The following ANKRD11 variants were observed in gnomAD, a reference collection of about 807,000 sequenced individuals.
The protein encoded by ANKRD11 is ankyrin repeat domain 11, also known as ankyrin repeat domain-containing protein 11.
ANKRD11 carries 17 observed loss-of-function variants against 195.7 expected under a neutral mutation model. The observed-to-expected ratio is 0.09, with a 90% CI of 0.06 to 0.13. The LOEUF is 0.13. ANKRD11 is among the 10% of genes least tolerant of loss of function. The probability of loss-of-function intolerance (pLI) is 1.00; values close to 1 mark genes in which losing one functional copy is unlikely to be tolerated. For missense variants in ANKRD11, 3,735 were observed against 3,566.1 expected, an observed-to-expected ratio of 1.05 and a Z score of -1.21; for synonymous variants, 1,953 against 1,528.1, an observed-to-expected ratio of 1.28 and a Z score of -6.49.
chr16:89,286,895 GCATT>G (rs1172418684), intron 7 of ANKRD11: 10 of 1,289,048 alleles, frequency 7.8e-6, no homozygotes, highest in East Asian at 5.5e-5. Context: ...TGAGATTAGC[GCATT>G]CAAAGAATCT....
intron 2 of ANKRD11, among the ~76,000 whole-genome samples, chr16:89,406,357 G>C (rs1254217120): frequency 1.3e-5 from 2 of 152,100 alleles, no homozygotes; most frequent in Non-Finnish European, 2.9e-5. Context: ...ACCCACACCT[G>C]GGCCTCGGCC....
At chr16:89,479,046 C>A (rs2057351507) in intron 1 of ANKRD11, among the ~76,000 whole-genome samples, 2 of 152,124 alleles carry the variant, frequency 1.3e-5, no homozygotes, top group Non-Finnish European at 2.9e-5. Context: ...AACCTTCGGG[C>A]CTCAAGACCC....
chr16:89,455,423 G>A (rs1255874911), intron 1 of ANKRD11, among the ~76,000 whole-genome samples: 1 of 152,044 alleles, frequency 6.6e-6, no homozygotes, highest in East Asian at 1.9e-4. Flanking sequence ...AAGCTACTCA[G>A]TAAGAAAAAC....
At chr16:89,417,019 C>T (rs910798969) in intron 2 of ANKRD11, among the ~76,000 whole-genome samples, 2 of 152,274 alleles carry the variant, frequency 1.3e-5, no homozygotes, top group South Asian at 2.1e-4. Context: ...ACTACCCAGG[C>T]TGGCTTCATT....
chr16:89,404,938 C>T (rs2041847154), intron 2 of ANKRD11, among the ~76,000 whole-genome samples: 1 of 152,238 alleles, frequency 6.6e-6, no homozygotes. Flanking sequence ...AACATCGTGT[C>T]CACAGACCAC....
intron 2 of ANKRD11, among the ~76,000 whole-genome samples, chr16:89,406,160 G>A (rs2041898984): frequency 6.7e-6 from 1 of 149,284 alleles, no homozygotes; most frequent in African/African-American, 2.5e-5. Context: ...AAAGTCCTAA[G>A]TCTGGTTATG....
At chr16:89,345,037 G>T (rs1010043799) in intron 2 of ANKRD11, among the ~76,000 whole-genome samples, 2 of 152,124 alleles carry the variant, frequency 1.3e-5, no homozygotes, top group African/African-American at 2.4e-5. Context: ...AAGGCCAAGC[G>T]GTGCTCCAGG....
chr16:89,381,047 G>A (rs939183266), intron 2 of ANKRD11, among the ~76,000 whole-genome samples: 2 of 152,216 alleles, frequency 1.3e-5, no homozygotes, highest in African/African-American at 4.8e-5. Flanking sequence ...GGGCGGCTGG[G>A]CGAGGTGGCT....
At chr16:89,374,650 C>T (rs2040341763) in intron 2 of ANKRD11, among the ~76,000 whole-genome samples, 1 of 152,190 alleles carries the variant, frequency 6.6e-6, no homozygotes, top group South Asian at 2.1e-4. Context: ...CCGCGTGCTA[C>T]GATCAGAGGA....
Position 89,281,514 on chromosome 16 carries a change from G to C in ANKRD11, c.5028C>G (p.Ser1676=), listed in dbSNP as rs1453819235. The C allele has an allele frequency of 6.2e-7, 1 of 1,614,232 alleles. No homozygotes were observed. The highest frequency in any genetic ancestry group is 8.5e-7 in the Non-Finnish European group (1 of 1,180,040). The change falls in exon 9 of 13, where the codon TCC becomes TCG. Residue 1676 remains serine, a synonymous_variant. Transcript: ENST00000301030. The surrounding 1 kb of genome is among the most constrained non-coding windows in gnomAD (Gnocchi z 5.5). ...TGTGAGGGCCTGCCAGCCAGTCTTT[G>C]GAGTCTGCACCTGATGCTGGGTGTA... ...NKLHPASGAD[S]KDWLAGPHMK...
At chr16:89,457,508 G>C (rs1344803283) in intron 1 of ANKRD11, among the ~76,000 whole-genome samples, 1 of 147,942 alleles carries the variant, frequency 6.8e-6, no homozygotes, top group African/African-American at 2.5e-5. Flanking sequence ...TAGGGCAGAA[G>C]AATCACTTGA....
chr16:89,268,506 T>C lies in ANKRD11; in HGVS notation c.7964A>G (p.Asn2655Ser). Residue 2655 changes from asparagine (N) to serine (S), a missense_variant, in exon 13 of 13, where the codon AAC becomes AGC. Asn to Ser is a conservative substitution (Grantham distance 46). Transcript: ENST00000301030. ...TGCCGGCAACAATACAAAGTCGTCG[T>C]TGACGTCGACCATGGGCACGTAGAA... ...PSFYVPMVDV[N>S]DDFVLLPA is the part of the protein sequence containing the mutation. 1 of 1,410,114 alleles carries C rather than the reference T, an allele frequency of 7.1e-7. No individual in the cohort carries two copies. Among genetic ancestry groups the C allele is most frequent in the South Asian group, 1.2e-5 (1 of 80,672 alleles). 87.4% of individuals were successfully genotyped at this position (1,410,114 alleles called of 1,614,324 possible).
At chr16:89,322,454 G>C (rs1237721878) in intron 2 of ANKRD11, among the ~76,000 whole-genome samples, 1 of 152,244 alleles carries the variant, frequency 6.6e-6, no homozygotes, top group Non-Finnish European at 1.5e-5. Flanking sequence ...AGGCCCCTGA[G>C]AAGGGATGTG....
At chr16:89,342,030 C>CCCACAGCGGCCACGGCCCACGGCAGGAG (rs2038707012) in intron 2 of ANKRD11, among the ~76,000 whole-genome samples, 1 of 76,594 alleles carries the variant, frequency 1.3e-5, no homozygotes, top group African/African-American at 4.5e-5. Flanking sequence ...TGCACCTCCA[C>CCCACAGCGGCCACGGCCCACGGCAGGAG]TGCCCACAGC....
At chr16:89,471,361 G>A (rs1048322621) in intron 1 of ANKRD11, among the ~76,000 whole-genome samples, 1 of 152,128 alleles carries the variant, frequency 6.6e-6, no homozygotes, top group African/African-American at 2.4e-5. Flanking sequence ...TCACCACTCA[G>A]GAATTCACGA....
chr16:89,442,425 TC>T (rs1338143316), intron 1 of ANKRD11, among the ~76,000 whole-genome samples: 1 of 152,196 alleles, frequency 6.6e-6, no homozygotes, highest in African/African-American at 2.4e-5. Context: ...AGACTCTTCC[TC>T]CATTTTGGCT....
intron 2 of ANKRD11, among the ~76,000 whole-genome samples, chr16:89,393,488 T>C (rs1156875464): frequency 9.8e-6 from 1 of 102,364 alleles, no homozygotes; most frequent in Non-Finnish European, 2.0e-5. Context: ...CATATCCAGC[T>C]GCTTTTTTTT....
intron 1 of ANKRD11, among the ~76,000 whole-genome samples, chr16:89,473,655 G>A (rs1222640449): frequency 6.6e-6 from 1 of 152,202 alleles, no homozygotes; most frequent in Non-Finnish European, 1.5e-5. Context: ...CGTCATGGAG[G>A]AGAGAGAGAT....
chr16:89,308,606 A>C (rs1324365414), intron 3 of ANKRD11, among the ~76,000 whole-genome samples: 1 of 152,186 alleles, frequency 6.6e-6, no homozygotes, highest in Non-Finnish European at 1.5e-5. Flanking sequence ...GGCCCTGCAG[A>C]CCCCAGCAAA....
Sources: gnomAD v4.1 joint callset for allele counts (sites outside exome capture counted in the v4.1 genomes callset) on GRCh38, gnomAD v4.1.1 for gene constraint, Gnocchi (gnomAD v3.1) non-coding constraint, MANE v1.5 for transcripts, NCBI Gene and HGNC (gene_info 2026-07-23, HGNC 2026-07-21) for gene names.